Variants in TGM5 observed in about 807,000 individuals in gnomAD.
TGM5 encodes protein-glutamine gamma-glutamyltransferase 5.
In TGM5, 69 loss-of-function variants were observed where a neutral mutation model predicts 77.2. The observed-to-expected ratio is 0.89, with a 90% CI of 0.74 to 1.09. The LOEUF is 1.09. Ranked by LOEUF, TGM5 falls within the 50% of genes least tolerant of loss-of-function variation. TGM5 has a pLI of 0.00. For synonymous variants in TGM5, 346 were observed against 351.8 expected (o/e 0.98, Z 0.18); for missense variants, 842 against 896.5 (o/e 0.94, Z 0.78).
intron 6 of TGM5, among the ~76,000 whole-genome samples, chr15:43,251,384 A>G (rs1004947704): frequency 6.6e-6 from 1 of 152,106 alleles, no homozygotes; most frequent in Non-Finnish European, 1.5e-5. Context: ...AGCTTCCTTC[A>G]GGGAAGTTGC....
At chr15:43,259,982 C>T (rs2042772269) in intron 3 of TGM5, 70 bp downstream of exon 3, 1 of 1,609,762 alleles carries the variant, frequency 6.2e-7, no homozygotes, top group African/African-American at 1.3e-5. Context: ...GTCTAGAAAC[C>T]CTTGAGCCTG....
At chr15:43,249,039 GC>G (rs1043634296) in intron 6 of TGM5, among the ~76,000 whole-genome samples, 1 of 152,012 alleles carries the variant, frequency 6.6e-6, no homozygotes, top group Non-Finnish European at 1.5e-5. Context: ...GCCTCCCATC[GC>G]CCACACCCTT....
Position 43,240,690 on chromosome 15 carries a change from G to A in TGM5, c.1001+162C>T, listed in dbSNP as rs563310091. On this transcript the variant is annotated intron_variant, in intron 7 of 12. Transcript: ENST00000220420. ...TCCCAGCTGAAGATTGGCAAGAGGT[G>A]TGGGGACAGCCTTGGTGGGGGGTGG... 4.7e-4 allele frequency among the ~76,000 whole-genome samples: 71 copies of A among 149,718 alleles called. 1 individual carries two copies. In the East Asian group the frequency reaches 0.014, roughly 29 times the overall value.
chr15:43,240,355 A>G (rs2142360265), intron 7 of TGM5, among the ~76,000 whole-genome samples: 1 of 152,340 alleles, frequency 6.6e-6, no homozygotes, highest in South Asian at 2.1e-4. Context: ...AGATTTCTAC[A>G]TGGCTGTCCA....
Position 43,240,975 on chromosome 15 carries a change from C to T in TGM5, c.878G>A (p.Gly293Glu), listed in dbSNP as rs1422037303. ...AVMCTVMRCL[G>E]IPTRVITNFD... ...GTTGGTGATCACACGGGTAGGGATCCCCAGACACCTCATCACTGCAAAAAG... is the reference window on the plus strand; with the variant it reads ...GTTGGTGATCACACGGGTAGGGATCTCCAGACACCTCATCACTGCAAAAAG... The change falls in exon 7 of 13, where the codon GGG (glycine) becomes GAG (glutamate). Residue 293 changes from glycine (G) to glutamate (E), a missense_variant. Coordinates refer to ENST00000220420, the MANE Select transcript of TGM5 (RefSeq NM_201631.4). 1 of 1,614,004 alleles carries T rather than the reference C, an allele frequency of 6.2e-7. No homozygotes were observed. Among genetic ancestry groups the T allele is most frequent in the African/African-American group, 1.3e-5 (1 of 74,888 alleles).
intron 6 of TGM5, among the ~76,000 whole-genome samples, chr15:43,251,418 G>A (rs1385549828): frequency 6.6e-6 from 1 of 151,892 alleles, no homozygotes; most frequent in South Asian, 2.1e-4. Context: ...CCCAGAGATG[G>A]GCCTGGCACA....
intron 6 of TGM5, among the ~76,000 whole-genome samples, chr15:43,244,651 A>AC (rs1215956908): frequency 6.6e-6 from 1 of 152,242 alleles, no homozygotes; most frequent in Non-Finnish European, 1.5e-5. Flanking sequence ...TCATTCAGTG[A>AC]TAAGTGTTGA....
intron 1 of TGM5, among the ~76,000 whole-genome samples, chr15:43,263,904 A>G (rs1322147317): frequency 1.3e-5 from 2 of 152,224 alleles, no homozygotes; most frequent in Non-Finnish European, 2.9e-5. Context: ...AATGTTTGTA[A>G]ATCCTATATC....
chr15:43,236,718 C>T (rs2042592937), intron 9 of TGM5, among the ~76,000 whole-genome samples: 1 of 151,932 alleles, frequency 6.6e-6, no homozygotes, highest in African/African-American at 2.4e-5. Flanking sequence ...TGTAATCCCA[C>T]CACTTTGGGA....
At chr15:43,258,570 G>A (rs1351528947) in intron 3 of TGM5, among the ~76,000 whole-genome samples, 1 of 152,172 alleles carries the variant, frequency 6.6e-6, no homozygotes, top group East Asian at 1.9e-4. Context: ...AGGAGGCGTC[G>A]TTGCTGAGAT....
intron 1 of TGM5, 138 bp downstream of exon 1, chr15:43,266,702 G>T: frequency 8.6e-7 from 1 of 1,157,528 alleles, no homozygotes; most frequent in Non-Finnish European, 1.3e-6. Context: ...TGAGGTTTCT[G>T]GGATTCTTGC....
chr15:43,253,031 AGAG>A (rs1273472705), intron 5 of TGM5, 95 bp from the exon 6 acceptor site: 2 of 1,373,526 alleles, frequency 1.5e-6, no homozygotes, highest in East Asian at 4.6e-5. Context: ...CCTGAGAAAC[AGAG>A]GAGAGACTTT....
At position 43,252,804 on chromosome 15, in the gene TGM5, C is replaced by G. The variant is rs141299025; in HGVS notation, c.817G>C (p.Val273Leu). The G allele has an allele frequency of 1.2e-6, 2 of 1,613,934 alleles. No individual in the cohort carries two copies. The highest frequency in any genetic ancestry group is 2.7e-5 in the African/African-American group (2 of 74,934). Residue 273 changes from valine (V) to leucine (L), a missense_variant, in exon 6 of 13, where the codon GTG (valine) becomes CTG (leucine). This residue lies in a region of TGM5 where 815 missense variants were observed against 844.6 expected (regional missense o/e 0.96). Transcript: ENST00000220420. Reference protein sequence around the residue: ...KQWNATGCQPVRYGQCWVFAA... With the variant: ...KQWNATGCQPLRYGQCWVFAA... ...AAGACCCAGCATTGCCCGTAGCGCA[C>G]GGGCTGGCAGCCTGTGGCGTTCCAC...
In TGM5 at chr15:43,261,074, G is replaced by GTTTTTTTTTTTTTTTTTTTTTTTT. The variant is rs1387299009; in HGVS notation, c.11-496_11-495insAAAAAAAAAAAAAAAAAAAAAAAA. ...AGCTGCTCTTCCTTTTTTTGTGTGT[G>GTTTTTTTTTTTTTTTTTTTTTTTT]TGTTTTTTTTTTTTTTTTTTTTTTT... On this transcript the variant is annotated intron_variant, in intron 1 of 12. Transcript: ENST00000220420. Among the ~76,000 whole-genome samples the GTTTTTTTTTTTTTTTTTTTTTTTT allele has an allele frequency of 2.7e-5, 2 of 73,868 alleles. 1 individual carries two copies. The allele number at this position is 73,868 out of a possible 152,430, so 48.5% of individuals were successfully genotyped here.
At chr15:43,249,184 A>AC (rs2042688420) in intron 6 of TGM5, among the ~76,000 whole-genome samples, 2 of 151,974 alleles carry the variant, frequency 1.3e-5, no homozygotes, top group South Asian at 2.1e-4. Context: ...GCTGTCCCCT[A>AC]CCCCACTTCC....
chr15:43,257,407 A>G (rs1046039033), intron 3 of TGM5, among the ~76,000 whole-genome samples: 5 of 152,252 alleles, frequency 3.3e-5, no homozygotes, highest in African/African-American at 1.2e-4. Context: ...GAATTTTTAT[A>G]CATATACACA....
In TGM5 at chr15:43,238,803, G is replaced by C; in HGVS notation, c.1345+14C>G. ...AGGGCTGGGGCTCTGAGTAGGGCTG[G>C]CTTGCTTACTTACCTTCTTCATACT... On this transcript the variant is annotated intron_variant, in intron 9 of 12. Transcript: ENST00000220420. 6.2e-7 allele frequency: 1 copy of C among 1,613,420 alleles called. No individual in the cohort carries two copies. Among genetic ancestry groups the C allele is most frequent in the African/African-American group, 1.3e-5 (1 of 75,002 alleles).
chr15:43,240,457 G>C (rs1021551268), intron 7 of TGM5, among the ~76,000 whole-genome samples: 3 of 151,166 alleles, frequency 2.0e-5, no homozygotes, highest in African/African-American at 7.4e-5. Context: ...TAATTAATGT[G>C]TATGCCTTTT....
intron 1 of TGM5, among the ~76,000 whole-genome samples, chr15:43,263,092 A>C (rs920070806): frequency 1.3e-5 from 2 of 152,254 alleles, no homozygotes; most frequent in African/African-American, 4.8e-5. Flanking sequence ...GAGTAACCTG[A>C]AAATAAAATT....
Sources: gnomAD v4.1 joint callset for allele counts (sites outside exome capture counted in the v4.1 genomes callset) on GRCh38, gnomAD v4.1.1 for gene constraint, gnomAD v4.1.1 regional missense constraint, MANE v1.5 for transcripts, NCBI Gene and HGNC (gene_info 2026-07-23, HGNC 2026-07-21) for gene names.